GVQW3: variants seen among roughly 807,000 people sequenced by gnomAD.
The protein encoded by GVQW3 is protein GVQW3.
Under a neutral mutation model 12.5 loss-of-function variants are expected in GVQW3, and 7 were observed. The observed-to-expected ratio is 0.56, with a 90% CI of 0.32 to 1.05. GVQW3 has a LOEUF of 1.05. GVQW3 is among the 50% of genes least tolerant of loss of function. The pLI, the probability that GVQW3 is intolerant of heterozygous loss-of-function variation, is 0.04. For synonymous variants in GVQW3, 71 were observed against 67.2 expected, an observed-to-expected ratio of 1.06 and a Z score of -0.28; for missense variants, 188 against 190.8, an observed-to-expected ratio of 0.99 and a Z score of 0.09.
intron 1 of GVQW3, among the ~76,000 whole-genome samples, chr11:76,400,524 G>A (rs1248114173): frequency 6.6e-6 from 1 of 151,986 alleles, no homozygotes; most frequent in Non-Finnish European, 1.5e-5. Flanking sequence ...GGGTTCGAGC[G>A]ATTCTCTTGC....
intron 1 of GVQW3, among the ~76,000 whole-genome samples, chr11:76,393,915 T>A (rs957202663): frequency 1.9e-4 from 29 of 150,012 alleles, no homozygotes; most frequent in South Asian, 1.7e-3. Flanking sequence ...TATTATTATT[T>A]TTGAGAGGAG....
exon 2 of GVQW3, chr11:76,414,195 C>G (rs1947100053): frequency 6.6e-6 from 1 of 152,128 alleles, no homozygotes; most frequent in Non-Finnish European, 1.5e-5. Context: ...TGCCTTTGTA[C>G]TTCCTATTAG....
At chr11:76,402,411 G>C (rs1397209607) in intron 1 of GVQW3, among the ~76,000 whole-genome samples, 1 of 152,092 alleles carries the variant, frequency 6.6e-6, no homozygotes, top group East Asian at 1.9e-4. Flanking sequence ...AAATTAGCTG[G>C]GTGTGGTGGT....
intron 1 of GVQW3, among the ~76,000 whole-genome samples, chr11:76,387,989 G>C (rs1158880330): frequency 6.6e-6 from 1 of 152,154 alleles, no homozygotes; most frequent in Non-Finnish European, 1.5e-5. Context: ...AACTAAAGCT[G>C]AATGATTGGC....
intron 1 of GVQW3, chr11:76,392,417 A>G (rs1430816800): frequency 6.6e-6 from 1 of 152,264 alleles, no homozygotes; most frequent in Non-Finnish European, 1.5e-5. Flanking sequence ...ATTCAGAATT[A>G]CAACCCAAAC....
Position 76,407,155 on chromosome 11 carries a change from G to T in GVQW3, c.*3397G>T, listed in dbSNP as rs182353530. On this transcript the variant is annotated 3_prime_UTR_variant, in exon 2 of 2. Transcript: ENST00000529331. ...CTTAACTTGTGAGACATTATGAAAA[G>T]GATGCTGGACTTGGTAAAGATACAA... 2 of 152,276 alleles carry T rather than the reference G, an allele frequency of 1.3e-5. No individual in the cohort carries two copies. Among genetic ancestry groups the T allele is most frequent in the Admixed American group, 1.3e-4 (2 of 15,280 alleles). The allele number at this position is 152,276 out of a possible 1,614,324, so 9.4% of individuals were successfully genotyped here.
At chr11:76,413,206 T>TA (rs1380566527) in exon 2 of GVQW3, 2 of 152,118 alleles carry the variant, frequency 1.3e-5, no homozygotes, top group Non-Finnish European at 2.9e-5. Context: ...TACAACTACG[T>TA]ATTCTGTTTT....
chr11:76,391,857 G>A (rs1005932030), intron 1 of GVQW3, among the ~76,000 whole-genome samples: 6 of 152,248 alleles, frequency 3.9e-5, no homozygotes, highest in African/African-American at 1.4e-4. Flanking sequence ...AGGAGGCTGA[G>A]GCAGGAGAAT....
chr11:76,401,488 A>G (rs1047359008), intron 1 of GVQW3, among the ~76,000 whole-genome samples: 1 of 151,886 alleles, frequency 6.6e-6, no homozygotes, highest in African/African-American at 2.4e-5. Flanking sequence ...CTGTTAATTT[A>G]TCTTGCCGGG....
downstream of GVQW3, chr11:76,411,588 C>T (rs1947080147): frequency 6.6e-6 from 1 of 152,182 alleles, no homozygotes; most frequent in South Asian, 2.1e-4. Flanking sequence ...AAGTATACTT[C>T]ATCAAGGGTT....
intron 1 of GVQW3, chr11:76,395,121 T>C (rs1946928153): frequency 6.6e-6 from 1 of 152,238 alleles, no homozygotes; most frequent in African/African-American, 2.4e-5. Flanking sequence ...TTTATGGTAA[T>C]TTTTTATTGT....
At chr11:76,399,658 G>A (rs1006605085) in intron 1 of GVQW3, among the ~76,000 whole-genome samples, 3 of 152,098 alleles carry the variant, frequency 2.0e-5, no homozygotes, top group Non-Finnish European at 4.4e-5. Context: ...AATGCGAGCA[G>A]GCCTCATTCA....
chr11:76,387,472 A>C (rs779161432), intron 1 of GVQW3, among the ~76,000 whole-genome samples: 10 of 152,202 alleles, frequency 6.6e-5, no homozygotes, highest in Non-Finnish European at 1.3e-4. Flanking sequence ...CCATAGAAAA[A>C]CAGATGGCAG....
rs1946765542 is a variant in GVQW3 at position 76,381,432 on chromosome 11, C to G, written c.-397C>G. On this transcript the variant is annotated 5_prime_UTR_variant, in exon 1 of 2. Coordinates refer to ENST00000529331, the MANE Select transcript of GVQW3 (RefSeq NM_001347885.2). ...TAGGGCGAGCTTGCACGTTACATCA[C>G]CGATGCATCTCTTCTTGCTTGCTTA... 5.9e-6 allele frequency: 1 copy of G among 168,218 alleles called. No homozygotes were observed. Among genetic ancestry groups the G allele is most frequent in the Admixed American group, 6.0e-5 (1 of 16,726 alleles). 10.4% of individuals were successfully genotyped at this position (168,218 alleles called of 1,614,324 possible). A position where few individuals can be genotyped will look rare whatever the true frequency, so the allele number is the denominator to read the frequency against.
chr11:76,400,052 G>T (rs376332670), intron 1 of GVQW3, among the ~76,000 whole-genome samples: 3 of 106,604 alleles, frequency 2.8e-5, no homozygotes, highest in East Asian at 2.6e-4. Context: ...CACACACACG[G>T]ATCTTGTTGG....
At chr11:76,384,093 A>G (rs781289641) in intron 1 of GVQW3, among the ~76,000 whole-genome samples, 16 of 152,234 alleles carry the variant, frequency 1.1e-4, no homozygotes, top group Admixed American at 7.8e-4. Context: ...GTTCCAAGTA[A>G]TACCACATAG....
At chr11:76,400,568 A>G (rs1380007901) in intron 1 of GVQW3, among the ~76,000 whole-genome samples, 1 of 151,742 alleles carries the variant, frequency 6.6e-6, no homozygotes, top group Non-Finnish European at 1.5e-5. Flanking sequence ...TTACAGGCTC[A>G]CACCACCATG....
downstream of GVQW3, among the ~76,000 whole-genome samples, chr11:76,410,599 T>G (rs1947073300): frequency 6.6e-6 from 1 of 152,160 alleles, no homozygotes; most frequent in Admixed American, 6.5e-5. Context: ...CTGATAACAG[T>G]TCATAGGATG....
chr11:76,388,551 A>G (rs1052288798), intron 1 of GVQW3, among the ~76,000 whole-genome samples: 1 of 151,938 alleles, frequency 6.6e-6, no homozygotes, highest in Admixed American at 6.6e-5. Flanking sequence ...CATCTGAAAG[A>G]AGATTCTGTG....
Sources: allele counts gnomAD v4.1 joint callset (sites outside exome capture counted in the v4.1 genomes callset), GRCh38; gene constraint gnomAD v4.1.1; transcripts MANE v1.5; gene names NCBI Gene and HGNC (gene_info 2026-07-23, HGNC 2026-07-21).